SMCHD1: variants seen among roughly 807,000 people sequenced by gnomAD.
SMCHD1 encodes structural maintenance of chromosomes flexible hinge domain containing 1, also known as structural maintenance of chromosomes flexible hinge domain-containing protein 1.
SMCHD1 carries 78 observed loss-of-function variants against 254.7 expected under a neutral mutation model. The ratio of observed to expected loss-of-function variants is 0.31; its 90% CI spans 0.26 to 0.37. SMCHD1 has a LOEUF of 0.37. SMCHD1 is among the 10% of genes least tolerant of loss of function. SMCHD1 has a pLI of 1.00. For synonymous variants in SMCHD1, 766 were observed against 794.9 expected (o/e 0.96, Z 0.61); for missense variants, 1,840 against 2,408.1 (o/e 0.76, Z 4.94).
intron 7 of SMCHD1, among the ~76,000 whole-genome samples, chr18:2,689,311 A>G (rs534235465): frequency 3.1e-4 from 45 of 144,128 alleles, no homozygotes; most frequent in African/African-American, 9.2e-4. Flanking sequence ...TCCACCTCCC[A>G]GGTTCAAGAT....
intron 12 of SMCHD1, among the ~76,000 whole-genome samples, chr18:2,701,842 C>T (rs558537042): frequency 6.0e-4 from 91 of 151,998 alleles, no homozygotes; most frequent in African/African-American, 2.2e-3. Context: ...ATTTTATTAT[C>T]AATTTATTGC....
At chr18:2,677,588 T>C (rs2073781387) in intron 5 of SMCHD1, among the ~76,000 whole-genome samples, 1 of 152,200 alleles carries the variant, frequency 6.6e-6, no homozygotes, top group Non-Finnish European at 1.5e-5. Flanking sequence ...GGTTGTCACT[T>C]TCTATCTCCT....
intron 37 of SMCHD1, among the ~76,000 whole-genome samples, chr18:2,766,474 T>C (rs1178158796): frequency 6.6e-6 from 1 of 152,250 alleles, no homozygotes; most frequent in Non-Finnish European, 1.5e-5. Context: ...ACTGAATCAA[T>C]AGAAAACTCA....
In SMCHD1 at chr18:2,673,138, A is replaced by G. The variant is rs2073657058; in HGVS notation, c.425-143A>G. On this transcript the variant is annotated intron_variant, in intron 3 of 47. Coordinates refer to ENST00000320876, the MANE Select transcript of SMCHD1 (RefSeq NM_015295.3). ...GGTGATTGGTGATGATGCCTTTATT[A>G]TGTATTATATCATTAGGATCAGGAT... The G allele has an allele frequency of 3.1e-6, 4 of 1,301,024 alleles. No homozygotes were observed. The South Asian group carries it at 9.9e-5, about 32-fold the overall frequency. The allele number at this position is 1,301,024 out of a possible 1,614,324, so 80.6% of individuals were successfully genotyped here.
chr18:2,738,440 G>A lies in SMCHD1; in HGVS notation c.3320G>A (p.Gly1107Asp). 1 of 1,610,498 alleles carries A rather than the reference G, an allele frequency of 6.2e-7. No homozygotes were observed. Among genetic ancestry groups the A allele is most frequent in the Non-Finnish European group, 8.5e-7 (1 of 1,178,200 alleles). Residue 1107 changes from glycine (G) to aspartate (D), a missense_variant, in exon 26 of 48, where the codon GGT (glycine) becomes GAT (aspartate). Coordinates refer to ENST00000320876, the MANE Select transcript of SMCHD1 (RefSeq NM_015295.3). ...ATTAACAAAGAACACTTGCTACAGGGTCTGCTTCCTGATGTGCAAGTACCA... is the reference window on the plus strand; with the variant it reads ...ATTAACAAAGAACACTTGCTACAGGATCTGCTTCCTGATGTGCAAGTACCA... ...PEINKEHLLQ[G>D]LLPDVQVPTS... is the part of the protein sequence containing the mutation.
rs546053987 is a variant in SMCHD1 at position 2,676,578 on chromosome 18, A to G, written c.638+2433A>G. On this transcript the variant is annotated intron_variant, in intron 5 of 47. Coordinates refer to ENST00000320876, the MANE Select transcript of SMCHD1 (RefSeq NM_015295.3). ...GCATAGTAGATAGAGGGGAGAGTAG[A>G]GGGAGATGTGAGAATTTCAGTTTGG... 8.5e-5 allele frequency among the ~76,000 whole-genome samples: 13 copies of G among 152,314 alleles called. No homozygotes were observed. In the South Asian group the frequency reaches 2.1e-3, roughly 24 times the overall value.
chr18:2,782,764 A>AAAAAAAC (rs2076177935), intron 44 of SMCHD1, among the ~76,000 whole-genome samples: 1 of 150,464 alleles, frequency 6.6e-6, no homozygotes, highest in African/African-American at 2.5e-5. Context: ...AAAAAAAAAA[A>AAAAAAAC]AAAAAAAAGA....
intron 1 of SMCHD1, among the ~76,000 whole-genome samples, chr18:2,663,887 T>C (rs1247887475): frequency 1.3e-5 from 2 of 152,090 alleles, no homozygotes; most frequent in Non-Finnish European, 2.9e-5. Context: ...GCTAATTTTT[T>C]TGTACTTTTA....
intron 17 of SMCHD1, among the ~76,000 whole-genome samples, chr18:2,717,040 C>G (rs2074815909): frequency 6.6e-6 from 1 of 152,196 alleles, no homozygotes; most frequent in South Asian, 2.1e-4. Flanking sequence ...GATCACAAAT[C>G]TTAGTCTGGA....
intron 5 of SMCHD1, among the ~76,000 whole-genome samples, chr18:2,678,262 T>C (rs1381417075): frequency 5.8e-5 from 8 of 138,190 alleles, no homozygotes; most frequent in African/African-American, 2.3e-4. Context: ...TTTCTCTCTC[T>C]CTCTCTCTCT....
chr18:2,792,092 T>C (rs1475853752), intron 45 of SMCHD1, among the ~76,000 whole-genome samples: 1 of 152,118 alleles, frequency 6.6e-6, no homozygotes, highest in Non-Finnish European at 1.5e-5. Context: ...ACTTTACCAA[T>C]AAAGTACAAA....
At chr18:2,660,472 G>GTTT (rs547130890) in intron 1 of SMCHD1, among the ~76,000 whole-genome samples, 5,355 of 126,114 alleles carry the variant, frequency 0.042, 277 homozygotes, top group African/African-American at 0.1. Flanking sequence ...AAAATCCATG[G>GTTT]TTTTTTTTTT....
At chr18:2,690,053 T>C (rs1482298728) in intron 7 of SMCHD1, among the ~76,000 whole-genome samples, 1 of 152,082 alleles carries the variant, frequency 6.6e-6, no homozygotes, top group African/African-American at 2.4e-5. Context: ...TTTGAACTTT[T>C]AAAAATTTGG....
intron 5 of SMCHD1, among the ~76,000 whole-genome samples, chr18:2,680,385 C>T (rs2073897710): frequency 1.3e-5 from 2 of 152,116 alleles, no homozygotes; most frequent in African/African-American, 4.8e-5. Flanking sequence ...AAGTCTGTAT[C>T]CTTGTGTTAC....
In SMCHD1 at chr18:2,702,308, A is replaced by AAAAAAAAAAT. The variant is rs57964967; in HGVS notation, c.1648-1384_1648-1383insAAAAAAAAAT. 8.3e-5 allele frequency: 10 copies of AAAAAAAAAAT among 119,784 alleles called. 1 individual carries two copies. The highest frequency in any genetic ancestry group is 4.0e-4 in the Admixed American group (4 of 10,052). The allele number at this position is 119,784 out of a possible 1,614,324, so 7.4% of individuals were successfully genotyped here. ...TTCTGTATTTAAAAAAAAAAAAAAAAGAAGGAAATGTTCAAATACACAGAA... is the reference window on the plus strand; with the variant it reads ...TTCTGTATTTAAAAAAAAAAAAAAAAAAAAAAAAATGAAGGAAATGTTCAAATACACAGAA... On this transcript the variant is annotated intron_variant, in intron 12 of 47. Coordinates refer to ENST00000320876, the MANE Select transcript of SMCHD1 (RefSeq NM_015295.3).
chr18:2,708,915 T>TATATATATAAA, intron 17 of SMCHD1, among the ~76,000 whole-genome samples: 1 of 90,454 alleles, frequency 1.1e-5, no homozygotes, highest in South Asian at 4.3e-4. Flanking sequence ...TATAACATAT[T>TATATATATAAA]AACATGAAAT....
At chr18:2,754,758 A>G (rs771679384) in intron 34 of SMCHD1, among the ~76,000 whole-genome samples, 1 of 152,128 alleles carries the variant, frequency 6.6e-6, no homozygotes, top group Non-Finnish European at 1.5e-5. Context: ...TTGCAAGCAG[A>G]CAAGTGCTTC....
intron 47 of SMCHD1, among the ~76,000 whole-genome samples, chr18:2,799,800 C>T (rs117922019): frequency 0.018 from 2,709 of 151,994 alleles, 39 homozygotes; most frequent in Middle Eastern, 0.1. Context: ...TTAATCACAT[C>T]TTCTTCCTCC....
intron 30 of SMCHD1, 129 bp downstream of exon 30, chr18:2,747,776 T>A: frequency 1.2e-6 from 1 of 811,868 alleles, no homozygotes; most frequent in Non-Finnish European, 1.8e-6. Context: ...TTGCTTAGTG[T>A]AAATAAACCT....
Sources: allele counts gnomAD v4.1 joint callset (sites outside exome capture counted in the v4.1 genomes callset), GRCh38; gene constraint gnomAD v4.1.1; transcripts MANE v1.5; gene names NCBI Gene and HGNC (gene_info 2026-07-23, HGNC 2026-07-21).